The following PYGL variants were observed in gnomAD, a reference collection of about 807,000 sequenced individuals.
PYGL encodes the protein glycogen phosphorylase, liver form.
In PYGL, 90 loss-of-function variants were observed where a neutral mutation model predicts 100.1. The ratio of observed to expected loss-of-function variants is 0.90; its 90% CI spans 0.76 to 1.07. The LOEUF (loss-of-function observed/expected upper bound fraction) is 1.07, where lower values mean the gene tolerates loss of function less well. PYGL is among the 50% of genes least tolerant of loss of function. The pLI, the probability that PYGL is intolerant of heterozygous loss-of-function variation, is 0.00. For missense variants in PYGL, 1,016 were observed against 1,057.6 expected, an observed-to-expected ratio of 0.96 and a Z score of 0.55; for synonymous variants, 373 against 393.0, an observed-to-expected ratio of 0.95 and a Z score of 0.60.
chr14:50,909,960 A>G lies in PYGL; in HGVS notation c.2112T>C (p.Ala704=), dbSNP rs35110875. The G allele has an allele frequency of 4.4e-3, 7,163 of 1,614,156 alleles. 182 individuals carry two copies. In the East Asian group the frequency reaches 0.054, roughly 12 times the overall value. ...DGANVEMAEE[A]GEENLFIFGM... ...CAAAGATGAACAGGTTCTCTTCCCC[A>G]GCTTCTTCTGCCATTTCCACATTGG... The change falls in exon 17 of 20, where the codon GCT becomes GCC. Residue 704 remains alanine, a synonymous_variant. Coordinates refer to ENST00000216392, the MANE Select transcript of PYGL (RefSeq NM_002863.5).
intron 4 of PYGL, among the ~76,000 whole-genome samples, chr14:50,926,954 T>C (rs2050554106): frequency 6.6e-6 from 1 of 152,150 alleles, no homozygotes; most frequent in African/African-American, 2.4e-5. Context: ...GTTTGCCTCA[T>C]TTCAGCATGC....
chr14:50,911,332 CCTT>C (rs1430073442), intron 16 of PYGL, among the ~76,000 whole-genome samples: 1 of 152,200 alleles, frequency 6.6e-6, no homozygotes, highest in African/African-American at 2.4e-5. Context: ...AAGTGACAGC[CCTT>C]CTTCTCACAG....
chr14:50,919,519 A>G (rs947281521), intron 7 of PYGL, among the ~76,000 whole-genome samples: 1 of 152,202 alleles, frequency 6.6e-6, no homozygotes, highest in Non-Finnish European at 1.5e-5. Flanking sequence ...TTTGTAAAGC[A>G]GAGTGCTAAT....
At chr14:50,906,797 G>T (rs1476076170) in intron 19 of PYGL, among the ~76,000 whole-genome samples, 2 of 152,226 alleles carry the variant, frequency 1.3e-5, no homozygotes, top group African/African-American at 4.8e-5. Context: ...GCACTGCCCT[G>T]CTTGTTTGTA....
At position 50,913,142 on chromosome 14, in the gene PYGL, A is replaced by G. The variant is rs1377478182; in HGVS notation, c.1519-12T>C. 7 of 1,611,912 alleles carry G rather than the reference A, an allele frequency of 4.3e-6. No individual in the cohort carries two copies. The highest frequency in any genetic ancestry group is 4.5e-5 in the East Asian group (2 of 44,766). On this transcript the variant is annotated splice_polypyrimidine_tract_variant and intron_variant, in intron 12 of 19. Coordinates refer to ENST00000216392, the MANE Select transcript of PYGL (RefSeq NM_002863.5). Reference sequence around the variant, plus strand: ...TCTTCTCCAATTTTCTTTCAATTCAAAGGAAAAGATGACTTCAATTTGGGG... The same window carrying G: ...TCTTCTCCAATTTTCTTTCAATTCAGAGGAAAAGATGACTTCAATTTGGGG...
chr14:50,937,595 TA>T, intron 2 of PYGL, 140 bp downstream of exon 2: 1 of 773,420 alleles, frequency 1.3e-6, no homozygotes, highest in Non-Finnish European at 2.2e-6. Context: ...TGTATATTTC[TA>T]AAAGTTTGTA....
intron 4 of PYGL, 55 bp downstream of exon 4, chr14:50,931,618 G>T: frequency 6.9e-7 from 1 of 1,439,098 alleles, no homozygotes; most frequent in Non-Finnish European, 9.8e-7. Flanking sequence ...ATCATCCAGA[G>T]CACCATGAAA....
At chr14:50,925,952 C>G (rs1566508394) in intron 4 of PYGL, among the ~76,000 whole-genome samples, 1 of 152,138 alleles carries the variant, frequency 6.6e-6, no homozygotes, top group East Asian at 1.9e-4. Context: ...TTCTGCATTC[C>G]TAATAAGCTC....
chr14:50,925,395 G>A (rs2050538551), intron 4 of PYGL, among the ~76,000 whole-genome samples: 1 of 152,166 alleles, frequency 6.6e-6, no homozygotes, highest in South Asian at 2.1e-4. Flanking sequence ...TGGCCAGAAG[G>A]GGGTAAACAA....
intron 2 of PYGL, 72 bp downstream of exon 2, chr14:50,937,664 A>G: frequency 1.4e-6 from 2 of 1,421,950 alleles, no homozygotes; most frequent in Admixed American, 1.7e-5. Context: ...TTTTTGTGCA[A>G]TGTCCCCAAG....
rs181219727 is a variant in PYGL, at chr14:50,912,815, G to A, written c.1620+214C>T. Among the ~76,000 whole-genome samples, 605 of 152,304 alleles carry A rather than the reference G, an allele frequency of 4.0e-3. 13 individuals carry two copies. The highest frequency in any genetic ancestry group is 0.031 in the Admixed American group (482 of 15,308). ...CTAAAAATACAAAAATTAGCCGGGC[G>A]TGGTGGCGGGCGCCTGTCATCCCAG... On this transcript the variant is annotated intron_variant, in intron 13 of 19. Transcript: ENST00000216392.
intron 19 of PYGL, among the ~76,000 whole-genome samples, chr14:50,907,125 G>T (rs1448284895): frequency 6.6e-6 from 1 of 152,146 alleles, no homozygotes; most frequent in African/African-American, 2.4e-5. Context: ...ACAAAACACA[G>T]CTAGAGAGTT....
chr14:50,907,556 G>A (rs1016569379), intron 19 of PYGL, among the ~76,000 whole-genome samples: 2 of 152,122 alleles, frequency 1.3e-5, no homozygotes, highest in Admixed American at 6.5e-5. Context: ...CAGGCTCCTT[G>A]AGGGAGGGGA....
intron 5 of PYGL, among the ~76,000 whole-genome samples, chr14:50,922,744 T>C (rs1032145912): frequency 5.9e-5 from 9 of 152,336 alleles, no homozygotes; most frequent in African/African-American, 2.2e-4. Context: ...GGCACTGTGG[T>C]CTGAGGCTCT....
rs1186587528 is a variant in PYGL at position 50,905,551 on chromosome 14, T to G, written c.2385A>C (p.Pro795=). Reference sequence around the variant, plus strand: ...TGAGTACCATTGTGTTCCAGGCCTTTGGATTCTGTAAACAACATATGCATA... The same window carrying G: ...TGAGTACCATTGTGTTCCAGGCCTTGGGATTCTGTAAACAACATATGCATA... The part of the protein sequence containing the change: ...QDKVSQLYMN[P]KAWNTMVLKN... Residue 795 remains proline, a synonymous_variant, in exon 20 of 20, where the codon CCA becomes CCC. Transcript: ENST00000216392. The G allele has an allele frequency of 3.1e-6, 5 of 1,613,916 alleles. No homozygotes were observed. Among genetic ancestry groups the G allele is most frequent in the Admixed American group, 1.7e-5 (1 of 60,008 alleles).
chr14:50,907,235 C>T (rs1051581646), intron 19 of PYGL, among the ~76,000 whole-genome samples: 2 of 151,970 alleles, frequency 1.3e-5, no homozygotes, highest in African/African-American at 4.8e-5. Flanking sequence ...CCTTATTCTT[C>T]TTTCTTTTTT....
intron 7 of PYGL, among the ~76,000 whole-genome samples, chr14:50,919,044 C>T (rs77974140): frequency 0.012 from 1,880 of 152,222 alleles, 41 homozygotes; most frequent in African/African-American, 0.044. Flanking sequence ...AACAAACAAA[C>T]AAACAAACAA....
chr14:50,939,100 G>A (rs2050682334), intron 1 of PYGL, among the ~76,000 whole-genome samples: 1 of 152,154 alleles, frequency 6.6e-6, no homozygotes, highest in African/African-American at 2.4e-5. Context: ...GAGTGCAGTG[G>A]CGCAATCTCA....
Position 50,916,978 on chromosome 14 carries a change from T to C in PYGL, c.983A>G (p.Asp328Gly). The C allele has an allele frequency of 6.2e-7, 1 of 1,614,182 alleles. No individual in the cohort carries two copies. The change falls in exon 8 of 20, where the codon GAT (aspartate) becomes GGT (glycine). Residue 328 changes from aspartate to glycine, a missense_variant. Asp to Gly is a moderately conservative substitution (Grantham distance 94, BLOSUM62 -1). Transcript: ENST00000216392. ...AATACTTGCCTGATCCGGGAAGGCA[T>C]CAAACACAGTTCCTGCACCACGGGT... ...GSTRGAGTVF[D>G]AFPDQVAIQL...
Sources: allele counts gnomAD v4.1 joint callset (sites outside exome capture counted in the v4.1 genomes callset), GRCh38; gene constraint gnomAD v4.1.1; transcripts MANE v1.5; gene names NCBI Gene and HGNC (gene_info 2026-07-23, HGNC 2026-07-21).